AFG1L: variants seen among roughly 807,000 people sequenced by gnomAD.
AFG1L encodes AFG1 like ATPase, also known as AFG1-like ATPase.
In AFG1L, 53 loss-of-function variants were observed where a neutral mutation model predicts 62.2. That is an observed-to-expected ratio of 0.85 (90% confidence interval 0.68 to 1.07). The LOEUF (loss-of-function observed/expected upper bound fraction) is 1.07, where lower values mean the gene tolerates loss of function less well. Among genes scored for constraint, AFG1L ranks in the 50% least tolerant of loss-of-function variants. The pLI, the probability that AFG1L is intolerant of heterozygous loss-of-function variation, is 0.00. For synonymous variants in AFG1L, 228 were observed against 210.3 expected, an observed-to-expected ratio of 1.08 and a Z score of -0.73; for missense variants, 555 against 590.5, an observed-to-expected ratio of 0.94 and a Z score of 0.62.
intron 5 of AFG1L, among the ~76,000 whole-genome samples, chr6:108,361,497 T>C (rs1779527299): frequency 1.3e-5 from 2 of 152,074 alleles, no homozygotes; most frequent in Non-Finnish European, 2.9e-5. Context: ...GTGTACTTTA[T>C]ATATATGTAG....
intron 6 of AFG1L, among the ~76,000 whole-genome samples, chr6:108,369,816 G>A (rs1392206050): frequency 6.6e-6 from 1 of 151,952 alleles, no homozygotes; most frequent in Non-Finnish European, 1.5e-5. Context: ...CACCATGTTG[G>A]CCAGGCTGGT....
chr6:108,490,347 A>T (rs1028517397), intron 10 of AFG1L, among the ~76,000 whole-genome samples: 1 of 152,240 alleles, frequency 6.6e-6, no homozygotes, highest in Non-Finnish European at 1.5e-5. Context: ...CGACAGAGAG[A>T]GACTTCGTCT....
At chr6:108,450,171 C>T (rs910663422) in intron 8 of AFG1L, among the ~76,000 whole-genome samples, 11 of 152,320 alleles carry the variant, frequency 7.2e-5, no homozygotes, top group East Asian at 5.8e-4. Flanking sequence ...CCTGAGGAGT[C>T]GCCACACTGA....
chr6:108,466,122 T>C (rs1176644580), intron 8 of AFG1L, among the ~76,000 whole-genome samples: 2 of 152,188 alleles, frequency 1.3e-5, no homozygotes, highest in Non-Finnish European at 2.9e-5. Context: ...TTATCCACCA[T>C]AATCACTAAA....
intron 8 of AFG1L, among the ~76,000 whole-genome samples, chr6:108,461,049 T>TA (rs1224272388): frequency 1.3e-5 from 2 of 152,244 alleles, no homozygotes; most frequent in East Asian, 3.8e-4. Flanking sequence ...TCTGACTTCT[T>TA]AGTAACATTT....
chr6:108,345,897 C>G (rs575131110), intron 2 of AFG1L, among the ~76,000 whole-genome samples: 46 of 152,278 alleles, frequency 3.0e-4, no homozygotes, highest in African/African-American at 1.0e-3. Context: ...TAAGTGCCTT[C>G]TGGCCTTTTT....
chr6:108,426,528 T>G (rs1582569227), intron 7 of AFG1L, among the ~76,000 whole-genome samples: 1 of 152,152 alleles, frequency 6.6e-6, no homozygotes, highest in East Asian at 1.9e-4. Flanking sequence ...TTTTTCTCCC[T>G]AGGAATGAGG....
chr6:108,342,281 G>A (rs780577358), intron 2 of AFG1L, among the ~76,000 whole-genome samples: 4 of 152,196 alleles, frequency 2.6e-5, no homozygotes, highest in African/African-American at 7.2e-5. Context: ...CAGACAGGAC[G>A]GAGAAGGCAT....
At chr6:108,476,382 G>A (rs181004259) in intron 8 of AFG1L, among the ~76,000 whole-genome samples, 90 of 152,270 alleles carry the variant, frequency 5.9e-4, no homozygotes, top group African/African-American at 2.1e-3. Flanking sequence ...TTGGCATTTC[G>A]AAGGTAGTAA....
At chr6:108,401,173 T>A (rs945020783) in intron 6 of AFG1L, among the ~76,000 whole-genome samples, 19 of 147,018 alleles carry the variant, frequency 1.3e-4, no homozygotes, top group Non-Finnish European at 2.4e-4. Flanking sequence ...TCTCGCTCTG[T>A]CGCCCAGGCC....
At chr6:108,517,346 C>T (rs929995471) in intron 11 of AFG1L, among the ~76,000 whole-genome samples, 5 of 152,138 alleles carry the variant, frequency 3.3e-5, no homozygotes, top group African/African-American at 1.2e-4. Flanking sequence ...AGAAGTAATG[C>T]CACATATCTA....
intron 6 of AFG1L, among the ~76,000 whole-genome samples, chr6:108,397,784 C>T (rs907580004): frequency 4.6e-5 from 7 of 152,118 alleles, no homozygotes; most frequent in African/African-American, 1.4e-4. Flanking sequence ...GTTGCAAGTT[C>T]CATTCTTTTT....
chr6:108,388,639 G>T (rs1780885273), intron 6 of AFG1L, among the ~76,000 whole-genome samples: 2 of 151,732 alleles, frequency 1.3e-5, no homozygotes, highest in South Asian at 4.2e-4. Flanking sequence ...TATGTACCCA[G>T]TAGTCATTCA....
intron 10 of AFG1L, among the ~76,000 whole-genome samples, chr6:108,498,882 G>A (rs1039687824): frequency 5.9e-5 from 9 of 151,994 alleles, no homozygotes; most frequent in African/African-American, 1.4e-4. Context: ...GCTGGGGCAG[G>A]AGAATCACTT....
chr6:108,323,980 C>T lies in AFG1L; in HGVS notation c.295C>T (p.Gln99Ter), dbSNP rs777837776. ...KDDEHQRRVI[Q>*]CLQKLHEDLK... ...TGATGAACATCAAAGAAGAGTCATA[C>T]AGTGTTTGCAGAAATTACACGAGGA... The change falls in exon 2 of 13, where the codon CAG (glutamine) becomes TAG (stop). Residue 99 changes from glutamine to a stop codon, truncating the protein, a stop_gained. Coordinates refer to ENST00000368977, the MANE Select transcript of AFG1L (RefSeq NM_145315.5). LOFTEE classifies it high-confidence loss of function. 1.9e-5 allele frequency: 30 copies of T among 1,614,008 alleles called. No homozygotes were observed. The Admixed American group carries it at 4.3e-4, about 23-fold the overall frequency.
chr6:108,519,656 A>G, intron 11 of AFG1L, 41 bp from the exon 12 acceptor site: 1 of 1,034,788 alleles, frequency 9.7e-7, no homozygotes, highest in Non-Finnish European at 1.5e-6. Flanking sequence ...AACTTGTGAA[A>G]TGTAAAGAGT....
chr6:108,375,945 C>CT (rs1221137758), intron 6 of AFG1L, among the ~76,000 whole-genome samples: 1 of 151,906 alleles, frequency 6.6e-6, no homozygotes, highest in East Asian at 1.9e-4. Flanking sequence ...TGGTCTAGGG[C>CT]TTTTTTGGAT....
intron 12 of AFG1L, chr6:108,520,204 G>A (rs886535622): frequency 5.7e-6 from 1 of 175,586 alleles, no homozygotes; most frequent in Admixed American, 5.5e-5. Flanking sequence ...AATGATTGCT[G>A]GATTTGTAGA....
chr6:108,445,656 G>C, intron 7 of AFG1L, among the ~76,000 whole-genome samples: 1 of 151,512 alleles, frequency 6.6e-6, no homozygotes, highest in East Asian at 2.0e-4. Flanking sequence ...GAGAGAGAGA[G>C]AGAGAGAGAG....
Sources: allele counts gnomAD v4.1 joint callset (sites outside exome capture counted in the v4.1 genomes callset), GRCh38; gene constraint gnomAD v4.1.1; transcripts MANE v1.5; gene names NCBI Gene and HGNC (gene_info 2026-07-23, HGNC 2026-07-21).